Variants in MATN2 observed in about 807,000 individuals in gnomAD.
MATN2 encodes the protein matrilin 2, also known as matrilin-2.
In MATN2, 69 loss-of-function variants were observed where a neutral mutation model predicts 103.2. The observed-to-expected ratio is 0.67, with a 90% CI of 0.55 to 0.82. MATN2 has a LOEUF of 0.82. MATN2 is among the 40% of genes least tolerant of loss of function. The pLI, the probability that MATN2 is intolerant of heterozygous loss-of-function variation, is 0.00. For missense variants in MATN2, 1,023 were observed against 1,211.5 expected (o/e 0.84, Z 2.31); for synonymous variants, 429 against 450.2 (o/e 0.95, Z 0.60).
chr8:97,894,842 T>C (rs1273743410), intron 2 of MATN2, among the ~76,000 whole-genome samples: 2 of 152,052 alleles, frequency 1.3e-5, no homozygotes, highest in Non-Finnish European at 2.9e-5. Context: ...GTGTTGCTAA[T>C]GGAAATTTTT....
chr8:97,985,649 T>A (rs1358008426), intron 6 of MATN2, among the ~76,000 whole-genome samples: 1 of 152,206 alleles, frequency 6.6e-6, no homozygotes, highest in African/African-American at 2.4e-5. Context: ...ACAGGTTCAT[T>A]GAGGGAAACT....
At chr8:98,015,152 A>G (rs1813315495) in intron 10 of MATN2, among the ~76,000 whole-genome samples, 1 of 152,086 alleles carries the variant, frequency 6.6e-6, no homozygotes, top group Non-Finnish European at 1.5e-5. Flanking sequence ...TCCTATCCAT[A>G]TGGGCTCTTT....
rs1473903077 is a variant in MATN2, at chr8:98,027,693, CAT to C, written c.2221_2222del (p.Met741ValfsTer2). 10 of 1,613,820 alleles carry C rather than the reference CAT, an allele frequency of 6.2e-6. No homozygotes were observed. The highest frequency in any genetic ancestry group is 1.3e-5 in the African/African-American group (1 of 74,904). ...CTATGACTGGGCTGGCCCTGAAACA[CAT>C]GTTTGAGAGAAGTTTTACCCAAGGA... ...GSMTGLALKH[M>X]FERSFTQGEG... On this transcript the variant is annotated frameshift_variant, in exon 14 of 19. Coordinates refer to ENST00000254898, the MANE Select transcript of MATN2 (RefSeq NM_002380.5). LOFTEE classifies it high-confidence loss of function.
chr8:97,943,441 C>T (rs1810641691), intron 4 of MATN2, among the ~76,000 whole-genome samples: 1 of 151,314 alleles, frequency 6.6e-6, no homozygotes, highest in African/African-American at 2.4e-5. Context: ...CCTTCTCCTC[C>T]TCCTCCACCT....
intron 2 of MATN2, among the ~76,000 whole-genome samples, chr8:97,901,385 T>C (rs1818977814): frequency 6.6e-6 from 1 of 152,136 alleles, no homozygotes; most frequent in Admixed American, 6.6e-5. Flanking sequence ...GCTGAATAGC[T>C]GGGATTACAG....
intron 2 of MATN2, among the ~76,000 whole-genome samples, chr8:97,923,023 C>T (rs932531794): frequency 6.6e-6 from 1 of 152,188 alleles, no homozygotes; most frequent in African/African-American, 2.4e-5. Flanking sequence ...AGGGAATCTG[C>T]CTTATTAGGG....
chr8:97,922,086 A>G (rs1052297749), intron 2 of MATN2, among the ~76,000 whole-genome samples: 22 of 152,134 alleles, frequency 1.4e-4, no homozygotes, highest in African/African-American at 5.3e-4. Context: ...TGATGATCTG[A>G]GGTGAAACAG....
At chr8:97,942,435 C>G (rs1384479515) in intron 4 of MATN2, among the ~76,000 whole-genome samples, 2 of 152,180 alleles carry the variant, frequency 1.3e-5, no homozygotes, top group South Asian at 4.1e-4. Flanking sequence ...TATTAGAACT[C>G]GCATTCTCTT....
intron 18 of MATN2, 165 bp downstream of exon 18, chr8:98,033,824 T>C (rs1814136531): frequency 1.7e-6 from 1 of 578,134 alleles, no homozygotes; most frequent in African/African-American, 1.9e-5. Context: ...TCACAGGTGT[T>C]TGAGAGGCAA....
At chr8:97,942,873 G>A (rs1334169918) in intron 4 of MATN2, among the ~76,000 whole-genome samples, 1 of 152,124 alleles carries the variant, frequency 6.6e-6, no homozygotes, top group African/African-American at 2.4e-5. Context: ...CAGTTTTGGG[G>A]TTGAGTGGTT....
rs776872334 is a variant in MATN2 at position 98,016,524 on chromosome 8, C to A, written c.1574-16C>A. ...ATTTTCTTCTTCTGTTTCTCTAATT[C>A]CCATTTGATTCTCAGAATTGGACTC... On this transcript the variant is annotated splice_polypyrimidine_tract_variant and intron_variant, in intron 10 of 18. Coordinates refer to ENST00000254898, the MANE Select transcript of MATN2 (RefSeq NM_002380.5). The A allele has an allele frequency of 2.5e-6, 4 of 1,599,062 alleles. No homozygotes were observed. In the African/African-American group the frequency reaches 4.0e-5, roughly 16 times the overall value.
At position 97,978,947 on chromosome 8, in the gene MATN2, C is replaced by T. The variant is rs1215422746; in HGVS notation, c.1020C>T (p.Gly340=). The T allele has an allele frequency of 2.5e-6, 4 of 1,613,336 alleles. No homozygotes were observed. Among genetic ancestry groups the T allele is most frequent in the Non-Finnish European group, 3.4e-6 (4 of 1,179,432 alleles). The part of the protein sequence containing the change: ...GCEHECVNAD[G]SYLCQCHEGF... ...AACATGAGTGTGTAAATGCTGATGG[C>T]TCCTACCTTTGCCAGTGCCATGAAG... The change falls in exon 6 of 19, where the codon GGC becomes GGT. Residue 340 remains glycine (G), a synonymous_variant. Transcript: ENST00000254898.
intron 1 of MATN2, among the ~76,000 whole-genome samples, chr8:97,876,136 C>T (rs898075134): frequency 4.6e-5 from 7 of 151,852 alleles, no homozygotes; most frequent in African/African-American, 1.5e-4. Flanking sequence ...CTCAGCCTCC[C>T]GAGTAGCTGA....
intron 2 of MATN2, among the ~76,000 whole-genome samples, chr8:97,902,732 C>G (rs907675438): frequency 6.6e-6 from 1 of 152,120 alleles, no homozygotes; most frequent in Non-Finnish European, 1.5e-5. Flanking sequence ...CTTGCCTTAC[C>G]TCTCCTGTCT....
intron 4 of MATN2, among the ~76,000 whole-genome samples, chr8:97,960,869 C>T (rs1405350736): frequency 3.3e-5 from 5 of 152,200 alleles, no homozygotes; most frequent in African/African-American, 9.7e-5. Context: ...GGCTGGAGTG[C>T]AATGGCACGA....
chr8:97,997,278 T>G (rs1261615719), intron 7 of MATN2, among the ~76,000 whole-genome samples: 1 of 152,220 alleles, frequency 6.6e-6, no homozygotes, highest in Non-Finnish European at 1.5e-5. Flanking sequence ...ACGTCCAGGC[T>G]TGGCAATGTC....
At chr8:98,019,413 T>A (rs1813498253) in intron 12 of MATN2, among the ~76,000 whole-genome samples, 2 of 152,190 alleles carry the variant, frequency 1.3e-5, no homozygotes, top group Admixed American at 1.3e-4. Flanking sequence ...TCTGAGGACC[T>A]CAGTCTTTTT....
intron 7 of MATN2, 77 bp from the exon 8 acceptor site, chr8:98,003,584 T>G (rs1586145882): frequency 6.4e-7 from 1 of 1,556,006 alleles, no homozygotes; most frequent in Non-Finnish European, 8.8e-7. Context: ...TGGGGGCTCA[T>G]GGGAGCCCCG....
chr8:97,924,022 AT>A (rs753550523), intron 2 of MATN2, among the ~76,000 whole-genome samples: 1 of 152,072 alleles, frequency 6.6e-6, no homozygotes, highest in African/African-American at 2.4e-5. Context: ...TGATCCTGCT[AT>A]TTTTTCACTG....
Sources: gnomAD v4.1 joint callset for allele counts (sites outside exome capture counted in the v4.1 genomes callset) on GRCh38, gnomAD v4.1.1 for gene constraint, MANE v1.5 for transcripts, NCBI Gene and HGNC (gene_info 2026-07-23, HGNC 2026-07-21) for gene names.